Variants in BANK1 observed in about 807,000 individuals in gnomAD.
BANK1 encodes the protein B-cell scaffold protein with ankyrin repeats.
In BANK1, 95 loss-of-function variants were observed where a neutral mutation model predicts 94.5. The observed-to-expected ratio is 1.00, with a 90% confidence interval of 0.85 to 1.19. The LOEUF is 1.19. Ranked by LOEUF, BANK1 falls within the 50% of genes most tolerant of loss-of-function variation. The pLI is 0.00. For synonymous variants in BANK1, 334 were observed against 308.4 expected (o/e 1.08, Z -0.87); for missense variants, 987 against 932.2 (o/e 1.06, Z -0.77).
chr4:101,894,134 G>T (rs1721977089), intron 5 of BANK1, among the ~76,000 whole-genome samples: 1 of 151,996 alleles, frequency 6.6e-6, no homozygotes, highest in Admixed American at 6.6e-5. Flanking sequence ...CTAACTCACA[G>T]TGACTTTCAA....
At chr4:101,837,614 T>G (rs996371790) in intron 2 of BANK1, among the ~76,000 whole-genome samples, 6 of 152,202 alleles carry the variant, frequency 3.9e-5, no homozygotes, top group African/African-American at 1.4e-4. Flanking sequence ...TTAAAGAAGC[T>G]TTTTATATAT....
intron 7 of BANK1, among the ~76,000 whole-genome samples, chr4:101,968,057 C>T (rs980044148): frequency 2.6e-5 from 4 of 151,750 alleles, no homozygotes; most frequent in African/African-American, 9.7e-5. Flanking sequence ...AAAATGTGCA[C>T]AGAAAAGTGA....
chr4:101,950,016 GGGGT>G (rs1396840840), intron 7 of BANK1, among the ~76,000 whole-genome samples: 1 of 116,642 alleles, frequency 8.6e-6, no homozygotes, highest in Non-Finnish European at 1.8e-5. Flanking sequence ...AAGGAAGTAA[GGGGT>G]GTGTGTGTGT....
At chr4:101,993,197 T>A (rs1725766898) in intron 7 of BANK1, among the ~76,000 whole-genome samples, 1 of 152,190 alleles carries the variant, frequency 6.6e-6, no homozygotes, top group African/African-American at 2.4e-5. Context: ...TAAGTATGCA[T>A]GTCTGCATGC....
intron 1 of BANK1, among the ~76,000 whole-genome samples, chr4:101,822,642 G>A (rs1482077081): frequency 3.4e-5 from 5 of 147,928 alleles, no homozygotes; most frequent in African/African-American, 1.3e-4. Context: ...TTGAGACAGA[G>A]TCTCGCTCTG....
chr4:102,030,013 G>A lies in BANK1; in HGVS notation c.1648G>A (p.Val550Ile), dbSNP rs998196098. 1 of 1,613,468 alleles carries A rather than the reference G, an allele frequency of 6.2e-7. No homozygotes were observed. Among genetic ancestry groups the A allele is most frequent in the Admixed American group, 1.7e-5 (1 of 59,926 alleles). The change falls in exon 10 of 17, where the codon GTT (valine) becomes ATT (isoleucine). Residue 550 changes from valine to isoleucine, a missense_variant. Transcript: ENST00000322953. The part of the protein sequence containing the change: ...ERSQNWGHPG[V>I]RQETGDEPKG... ...AAGTCAAAACTGGGGTCATCCTGGTGTTAGACAAGAAACAGGAGATGAACC... is the reference window on the plus strand; with the variant it reads ...AAGTCAAAACTGGGGTCATCCTGGTATTAGACAAGAAACAGGAGATGAACC...
intron 13 of BANK1, among the ~76,000 whole-genome samples, chr4:102,068,298 C>T (rs1410908529): frequency 2.6e-5 from 4 of 151,358 alleles, no homozygotes. Context: ...GAAAAGCAAA[C>T]CTTCAAAAAG....
At chr4:101,886,589 G>A (rs1318234723) in intron 5 of BANK1, among the ~76,000 whole-genome samples, 2 of 152,070 alleles carry the variant, frequency 1.3e-5, no homozygotes, top group African/African-American at 4.8e-5. Context: ...CTAAAAAGAG[G>A]CAAAGGTAAG....
chr4:102,072,610 G>C (rs1477839385), intron 15 of BANK1, among the ~76,000 whole-genome samples: 2 of 152,072 alleles, frequency 1.3e-5, no homozygotes, highest in Non-Finnish European at 2.9e-5. Flanking sequence ...AAAGGAAAAA[G>C]CCACTGAGGC....
chr4:101,946,801 T>A (rs956911275), intron 7 of BANK1, among the ~76,000 whole-genome samples: 1 of 151,966 alleles, frequency 6.6e-6, no homozygotes, highest in African/African-American at 2.4e-5. Flanking sequence ...ACCTATGGAA[T>A]AACAAATTTA....
intron 5 of BANK1, among the ~76,000 whole-genome samples, chr4:101,880,854 A>G (rs914993234): frequency 6.6e-6 from 1 of 152,256 alleles, no homozygotes; most frequent in African/African-American, 2.4e-5. Context: ...TAGTGCTGGG[A>G]AAATTGCATA....
intron 2 of BANK1, among the ~76,000 whole-genome samples, chr4:101,846,280 A>G (rs533308690): frequency 8.5e-5 from 13 of 152,334 alleles, no homozygotes; most frequent in Admixed American, 4.6e-4. Context: ...TTGTAGGGAC[A>G]TGGATGAAGC....
chr4:101,816,536 C>T (rs1725923307), intron 1 of BANK1, among the ~76,000 whole-genome samples: 1 of 149,420 alleles, frequency 6.7e-6, no homozygotes, highest in Admixed American at 6.7e-5. Context: ...TCAGAATGAT[C>T]TGGAAACTAA....
At chr4:101,885,286 T>G (rs936244462) in intron 5 of BANK1, among the ~76,000 whole-genome samples, 2 of 152,210 alleles carry the variant, frequency 1.3e-5, no homozygotes, top group African/African-American at 4.8e-5. Flanking sequence ...GATTACAATT[T>G]TGGGGTGAAT....
chr4:101,868,870 T>A (rs544581686), intron 4 of BANK1, among the ~76,000 whole-genome samples: 220 of 151,964 alleles, frequency 1.4e-3, no homozygotes, highest in Middle Eastern at 0.01. Flanking sequence ...TAAGTATTGA[T>A]TTAATAACTG....
At chr4:101,946,105 TAATC>T (rs1244931391) in intron 7 of BANK1, among the ~76,000 whole-genome samples, 18 of 151,910 alleles carry the variant, frequency 1.2e-4, no homozygotes, top group Non-Finnish European at 2.4e-4. Context: ...ATCTTGACAA[TAATC>T]AAACAAATGA....
intron 6 of BANK1, among the ~76,000 whole-genome samples, chr4:101,902,384 T>G (rs1441404208): frequency 6.6e-6 from 1 of 152,236 alleles, no homozygotes; most frequent in Non-Finnish European, 1.5e-5. Flanking sequence ...CTATTAAGGT[T>G]TTATATTTCT....
In BANK1 at chr4:102,007,545, T is replaced by C. The variant is rs185474862; in HGVS notation, c.1207-13969T>C. 5.3e-5 allele frequency among the ~76,000 whole-genome samples: 8 copies of C among 152,146 alleles called. No homozygotes were observed. In the East Asian group the frequency reaches 1.5e-3, roughly 29 times the overall value. The stretch of plus-strand genomic sequence containing the variant: ...GGTAATCTGAAGCCACAAATTAAAA[T>C]GAGTTTTAACTTTTCTGTCACAAAA... On this transcript the variant is annotated intron_variant, in intron 7 of 16. Coordinates refer to ENST00000322953, the MANE Select transcript of BANK1 (RefSeq NM_017935.5).
chr4:102,011,321 T>C (rs1726505347), intron 7 of BANK1, among the ~76,000 whole-genome samples: 1 of 152,214 alleles, frequency 6.6e-6, no homozygotes, highest in Non-Finnish European at 1.5e-5. Flanking sequence ...TCCTGATTTC[T>C]TTTAGGCAAT....
Sources: allele counts gnomAD v4.1 joint callset (sites outside exome capture counted in the v4.1 genomes callset), GRCh38; gene constraint gnomAD v4.1.1; transcripts MANE v1.5; gene names NCBI Gene and HGNC (gene_info 2026-07-23, HGNC 2026-07-21).